TENM4: variants seen among roughly 807,000 people sequenced by gnomAD.
TENM4 encodes teneurin-4.
A neutral mutation model predicts 243.3 loss-of-function variants in TENM4; 82 were observed. The observed-to-expected ratio is 0.34, with a 90% CI of 0.28 to 0.40. TENM4 has a LOEUF of 0.40. Ranked by LOEUF, TENM4 falls within the 10% of genes least tolerant of loss-of-function variation. The pLI is 1.00. For synonymous variants in TENM4, 1,412 were observed against 1,456.3 expected (o/e 0.97, Z 0.69); for missense variants, 3,138 against 3,673.3 (o/e 0.85, Z 3.77).
At chr11:79,060,647 G>C (rs769615180) in intron 6 of TENM4, among the ~76,000 whole-genome samples, 11 of 152,190 alleles carry the variant, frequency 7.2e-5, no homozygotes, top group Admixed American at 2.6e-4. Context: ...GACTCAAATG[G>C]AGGCAGGCAA....
In TENM4 at chr11:79,299,310, C is replaced by T. The variant is rs139988648; in HGVS notation, c.-320-1767G>A. On this transcript the variant is annotated intron_variant, in intron 1 of 33. Coordinates refer to ENST00000278550, the MANE Select transcript of TENM4 (RefSeq NM_001098816.3). ...AACACTTAGTCTATGTCAAGAAAGT[C>T]ACTAGGGTCACACAGCTAGTAACTG... 1.9e-3 allele frequency among the ~76,000 whole-genome samples: 286 copies of T among 152,144 alleles called. 2 individuals carry two copies. Among genetic ancestry groups the T allele is most frequent in the African/African-American group, 6.4e-3 (266 of 41,468 alleles).
intron 1 of TENM4, among the ~76,000 whole-genome samples, chr11:79,420,323 G>A (rs1858904229): frequency 6.6e-6 from 1 of 152,192 alleles, no homozygotes; most frequent in Non-Finnish European, 1.5e-5. Context: ...GAGGCAGCTT[G>A]CAGCCTCCCA....
intron 4 of TENM4, among the ~76,000 whole-genome samples, chr11:79,094,084 C>T (rs768180987): frequency 5.9e-5 from 9 of 152,188 alleles, no homozygotes; most frequent in East Asian, 1.9e-4. Context: ...TCCATCATGG[C>T]GGAAGGTTCC....
In TENM4 at chr11:79,390,617, C is replaced by A. The variant is rs78504201; in HGVS notation, c.-321+49892G>T. On this transcript the variant is annotated intron_variant, in intron 1 of 33. Transcript: ENST00000278550. ...AAAGAGAGGCCGATTCAGAGTCTTT[C>A]TAGTCCTCCTCAACATGCTGGCATA... Among the ~76,000 whole-genome samples, 1,175 of 152,074 alleles carry A rather than the reference C, an allele frequency of 7.7e-3. 8 individuals carry two copies. Among genetic ancestry groups the A allele is most frequent in the Non-Finnish European group, 0.013 (870 of 68,024 alleles).
intron 4 of TENM4, among the ~76,000 whole-genome samples, chr11:79,078,190 A>G (rs1860580133): frequency 6.6e-6 from 1 of 152,206 alleles, no homozygotes; most frequent in Non-Finnish European, 1.5e-5. Context: ...ATACAGCCAG[A>G]AACGAGCCAG....
intron 3 of TENM4, among the ~76,000 whole-genome samples, chr11:79,194,247 T>G (rs969643800): frequency 6.6e-6 from 1 of 151,896 alleles, no homozygotes; most frequent in African/African-American, 2.4e-5. Flanking sequence ...GTTCCCAGTT[T>G]TGGATATGTC....
intron 29 of TENM4, among the ~76,000 whole-genome samples, chr11:78,684,711 C>T (rs573377575): frequency 2.0e-4 from 31 of 152,290 alleles, no homozygotes; most frequent in African/African-American, 4.3e-4. Flanking sequence ...ACCTAACCTC[C>T]GAGTGCTTCT....
intron 17 of TENM4, 70 bp from the exon 18 acceptor site, chr11:78,771,208 T>C: frequency 1.3e-6 from 2 of 1,523,742 alleles, no homozygotes; most frequent in South Asian, 1.2e-5. Flanking sequence ...ACTAACACGC[T>C]ACCTGCCAAC....
At chr11:79,118,055 T>C (rs753578894) in intron 4 of TENM4, among the ~76,000 whole-genome samples, 16 of 152,226 alleles carry the variant, frequency 1.1e-4, no homozygotes, top group Non-Finnish European at 1.5e-4. Flanking sequence ...TTACAGATGA[T>C]ATTTTATGCC....
chr11:79,073,803 A>C (rs1285569513), intron 4 of TENM4, among the ~76,000 whole-genome samples: 1 of 152,210 alleles, frequency 6.6e-6, no homozygotes, highest in Non-Finnish European at 1.5e-5. Flanking sequence ...CCTGATACAC[A>C]ATGAGTGCTC....
At chr11:79,389,449 G>C (rs1858184992) in intron 1 of TENM4, among the ~76,000 whole-genome samples, 1 of 152,190 alleles carries the variant, frequency 6.6e-6, no homozygotes, top group African/African-American at 2.4e-5. Flanking sequence ...GAGCCACTGT[G>C]CCCAGCACAG....
intron 12 of TENM4, among the ~76,000 whole-genome samples, chr11:78,845,862 C>G (rs891408512): frequency 1.3e-5 from 2 of 152,136 alleles, no homozygotes; most frequent in Admixed American, 6.5e-5. Context: ...CTATCAGAAT[C>G]TACATCTGAA....
At position 78,922,917 on chromosome 11, in the gene TENM4, C is replaced by T. The variant is rs572954165; in HGVS notation, c.494-19394G>A. On this transcript the variant is annotated intron_variant, in intron 6 of 33. Coordinates refer to ENST00000278550, the MANE Select transcript of TENM4 (RefSeq NM_001098816.3). ...GTGCTCAAGACATCCTCAGCATCTC[C>T]ATCACTACCACTTACCACTATTTCC... Among the ~76,000 whole-genome samples the T allele has an allele frequency of 1.1e-3, 165 of 152,296 alleles. 1 individual carries two copies. Among genetic ancestry groups the T allele is most frequent in the African/African-American group, 3.9e-3 (161 of 41,564 alleles).
intron 28 of TENM4, among the ~76,000 whole-genome samples, chr11:78,700,342 G>A (rs1018876498): frequency 2.6e-5 from 4 of 152,144 alleles, no homozygotes; most frequent in Admixed American, 6.5e-5. Context: ...GTGGGCAAAG[G>A]AGCCTTCAGA....
chr11:79,078,828 T>C (rs1235566445), intron 4 of TENM4, among the ~76,000 whole-genome samples: 1 of 152,096 alleles, frequency 6.6e-6, no homozygotes, highest in African/African-American at 2.4e-5. Context: ...TTTAGGGAGG[T>C]TAAGTATCCT....
chr11:79,070,726 C>A (rs1860393435), intron 4 of TENM4, among the ~76,000 whole-genome samples: 1 of 152,166 alleles, frequency 6.6e-6, no homozygotes, highest in African/African-American at 2.4e-5. Context: ...CTAACCATCC[C>A]CATCTGACAG....
chr11:79,124,889 GTATA>G (rs368740191), intron 4 of TENM4, among the ~76,000 whole-genome samples: 27 of 100,730 alleles, frequency 2.7e-4, no homozygotes, highest in African/African-American at 7.0e-4. Context: ...ATATGTATAT[GTATA>G]TGTGTGTGTG....
At chr11:79,298,521 C>CAAAAA (rs61373828) in intron 1 of TENM4, among the ~76,000 whole-genome samples, 3 of 17,256 alleles carry the variant, frequency 1.7e-4, no homozygotes, top group African/African-American at 1.3e-4. Flanking sequence ...GACTCCGTCT[C>CAAAAA]AAAAAAAAAA....
intron 29 of TENM4, among the ~76,000 whole-genome samples, chr11:78,686,743 G>T (rs542338131): frequency 1.1e-3 from 167 of 152,306 alleles, no homozygotes; most frequent in African/African-American, 3.9e-3. Flanking sequence ...GATGACTATT[G>T]TGTGAGAACA....
Sources: gnomAD v4.1 joint callset for allele counts (sites outside exome capture counted in the v4.1 genomes callset) on GRCh38, gnomAD v4.1.1 for gene constraint, MANE v1.5 for transcripts, NCBI Gene and HGNC (gene_info 2026-07-23, HGNC 2026-07-21) for gene names.